Variants in GRM5 observed in about 807,000 individuals in gnomAD.
GRM5 encodes glutamate metabotropic receptor 5.
Under a neutral mutation model 83.1 loss-of-function variants are expected in GRM5, and 19 were observed. That is an observed-to-expected ratio of 0.23 (90% CI 0.16 to 0.34). GRM5 has a LOEUF of 0.34. GRM5 is among the 10% of genes least tolerant of loss of function. The pLI is 1.00. For synonymous variants in GRM5, 675 were observed against 633.6 expected (o/e 1.07, Z -0.98); for missense variants, 1,160 against 1,588.3 (o/e 0.73, Z 4.58).
At chr11:88,781,024 GTCTT>G (rs1013931265) in intron 3 of GRM5, among the ~76,000 whole-genome samples, 1 of 151,238 alleles carries the variant, frequency 6.6e-6, no homozygotes, top group Admixed American at 6.6e-5. Context: ...GCTGATCCTA[GTCTT>G]TCTTAGTAAC....
intron 3 of GRM5, among the ~76,000 whole-genome samples, chr11:88,844,958 C>T (rs968422271): frequency 1.3e-5 from 2 of 152,170 alleles, no homozygotes; most frequent in African/African-American, 4.8e-5. Flanking sequence ...GCGGAATATA[C>T]TCTGGTGAAG....
At chr11:89,026,273 C>T (rs1941128428) in intron 2 of GRM5, among the ~76,000 whole-genome samples, 1 of 152,106 alleles carries the variant, frequency 6.6e-6, no homozygotes, top group African/African-American at 2.4e-5. Context: ...ACACAATTTA[C>T]CCATGTAACA....
intron 3 of GRM5, among the ~76,000 whole-genome samples, chr11:88,813,590 A>T (rs118024588): frequency 6.6e-6 from 1 of 152,188 alleles, no homozygotes; most frequent in Non-Finnish European, 1.5e-5. Context: ...AGTTTTCTAA[A>T]CATATCTCAA....
intron 3 of GRM5, among the ~76,000 whole-genome samples, chr11:88,676,965 C>A (rs1157196680): frequency 6.6e-6 from 1 of 151,934 alleles, no homozygotes; most frequent in Non-Finnish European, 1.5e-5. Flanking sequence ...AAAATATAAT[C>A]TCTTCTGATT....
chr11:88,993,217 G>A (rs1231241345), intron 2 of GRM5, among the ~76,000 whole-genome samples: 1 of 132,836 alleles, frequency 7.5e-6, no homozygotes, highest in Non-Finnish European at 1.5e-5. Context: ...AGTGAGCCGA[G>A]ATTGTGCCAC....
intron 2 of GRM5, among the ~76,000 whole-genome samples, chr11:88,909,201 G>C (rs1181124683): frequency 6.6e-6 from 1 of 152,070 alleles, no homozygotes; most frequent in East Asian, 1.9e-4. Context: ...GTGGGAAATA[G>C]ATGATTTATA....
intron 3 of GRM5, among the ~76,000 whole-genome samples, chr11:88,696,648 G>A (rs1037602291): frequency 2.0e-5 from 3 of 152,158 alleles, no homozygotes; most frequent in East Asian, 1.9e-4. Flanking sequence ...AAGCCCTGCT[G>A]GGAAAATTAT....
At chr11:88,530,808 C>A (rs1033159032) in intron 8 of GRM5, among the ~76,000 whole-genome samples, 4 of 151,830 alleles carry the variant, frequency 2.6e-5, no homozygotes, top group African/African-American at 9.7e-5. Flanking sequence ...GAGAATTGTG[C>A]CTGAAGCTGG....
intron 8 of GRM5, among the ~76,000 whole-genome samples, chr11:88,537,615 A>T (rs1157032069): frequency 6.6e-6 from 1 of 152,186 alleles, no homozygotes; most frequent in Non-Finnish European, 1.5e-5. Flanking sequence ...ATTTAAAAAG[A>T]TCAATATTAT....
At chr11:88,609,293 G>A (rs1177460627) in intron 4 of GRM5, among the ~76,000 whole-genome samples, 1 of 152,036 alleles carries the variant, frequency 6.6e-6, no homozygotes, top group Non-Finnish European at 1.5e-5. Flanking sequence ...AATGGTTTTG[G>A]GCTTGATCTA....
intron 2 of GRM5, among the ~76,000 whole-genome samples, chr11:88,989,070 T>G (rs1317366042): frequency 6.6e-6 from 1 of 151,308 alleles, no homozygotes; most frequent in East Asian, 1.9e-4. Context: ...ACTGACAAAT[T>G]GGATGAAGAG....
chr11:88,528,227 T>C (rs1254298147), intron 8 of GRM5, among the ~76,000 whole-genome samples: 1 of 152,046 alleles, frequency 6.6e-6, no homozygotes, highest in Non-Finnish European at 1.5e-5. Flanking sequence ...ATGTGAGCAA[T>C]ATCTTAGACT....
chr11:88,590,571 T>A (rs1040495257), intron 7 of GRM5, 30 bp downstream of exon 7: 9 of 1,596,480 alleles, frequency 5.6e-6, no homozygotes, highest in Non-Finnish European at 7.7e-6. Flanking sequence ...TTTCAGTTAA[T>A]TTATATGTGG....
intron 4 of GRM5, among the ~76,000 whole-genome samples, chr11:88,620,936 A>G (rs1040822945): frequency 6.6e-5 from 10 of 152,336 alleles, no homozygotes; most frequent in African/African-American, 2.4e-4. Flanking sequence ...AGGGAGCTTC[A>G]AAAATTCAAC....
At chr11:88,933,187 A>T (rs896359563) in intron 2 of GRM5, among the ~76,000 whole-genome samples, 186 of 106,216 alleles carry the variant, frequency 1.8e-3, no homozygotes, top group Admixed American at 2.0e-3. Context: ...TATTTGGGGC[A>T]TTTTTTTTTT....
intron 3 of GRM5, among the ~76,000 whole-genome samples, chr11:88,750,413 A>G (rs1052767890): frequency 3.3e-5 from 5 of 152,202 alleles, no homozygotes; most frequent in African/African-American, 1.2e-4. Flanking sequence ...TATGCACCCA[A>G]TGCAAGAGCA....
intron 2 of GRM5, among the ~76,000 whole-genome samples, chr11:88,988,944 T>TAATGA (rs1939854123): frequency 6.8e-6 from 1 of 146,014 alleles, no homozygotes; most frequent in African/African-American, 2.6e-5. Context: ...AGGAAGAAAC[T>TAATGA]GCATCAACTA....
chr11:88,638,218 A>G (rs888718328), intron 4 of GRM5, among the ~76,000 whole-genome samples: 5 of 150,888 alleles, frequency 3.3e-5, no homozygotes, highest in African/African-American at 4.9e-5. Context: ...TGACGAGTTA[A>G]TGGGTGCAGC....
intron 2 of GRM5, among the ~76,000 whole-genome samples, chr11:88,998,023 A>C (rs1347987524): frequency 6.6e-6 from 1 of 151,882 alleles, no homozygotes. Context: ...TAACAAAAAA[A>C]AATGAGAGGG....
Sources: gnomAD v4.1 joint callset for allele counts (sites outside exome capture counted in the v4.1 genomes callset) on GRCh38, gnomAD v4.1.1 for gene constraint, MANE v1.5 for transcripts, NCBI Gene and HGNC (gene_info 2026-07-23, HGNC 2026-07-21) for gene names.